SPTBN1: variants seen among roughly 807,000 people sequenced by gnomAD.
SPTBN1 encodes spectrin beta chain, non-erythrocytic 1.
SPTBN1 carries 32 observed loss-of-function variants against 266.4 expected under a neutral mutation model. That is an observed-to-expected ratio of 0.12 (90% CI 0.09 to 0.16). The LOEUF (loss-of-function observed/expected upper bound fraction) is 0.16. Ranked by LOEUF, SPTBN1 falls within the 10% of genes least tolerant of loss-of-function variation. SPTBN1 has a pLI of 1.00. For synonymous variants in SPTBN1, 1,336 were observed against 1,162.2 expected (o/e 1.15, Z -3.04); for missense variants, 2,296 against 3,067.1 (o/e 0.75, Z 5.94).
chr2:54,536,455 T>G (rs1449695705), intron 2 of SPTBN1, among the ~76,000 whole-genome samples: 1 of 152,244 alleles, frequency 6.6e-6, no homozygotes, highest in Non-Finnish European at 1.5e-5. Context: ...AATAGTTTCT[T>G]AAGTTGCATT....
intron 1 of SPTBN1, among the ~76,000 whole-genome samples, chr2:54,494,210 AT>A (rs1226462736): frequency 6.6e-6 from 1 of 152,266 alleles, no homozygotes; most frequent in Non-Finnish European, 1.5e-5. Flanking sequence ...GAGGATGATT[AT>A]TCACATTATA....
chr2:54,500,650 A>T (rs1368576119), intron 1 of SPTBN1, among the ~76,000 whole-genome samples: 1 of 151,984 alleles, frequency 6.6e-6, no homozygotes, highest in Non-Finnish European at 1.5e-5. Flanking sequence ...GGCTCAAGGG[A>T]TCCACCCACC....
intron 29 of SPTBN1, among the ~76,000 whole-genome samples, chr2:54,657,506 T>C (rs1297597686): frequency 6.6e-6 from 1 of 152,204 alleles, no homozygotes; most frequent in Non-Finnish European, 1.5e-5. Context: ...TGCCGTAAAA[T>C]GCACATCAGA....
intron 5 of SPTBN1, 72 bp downstream of exon 5, chr2:54,616,370 A>G: frequency 7.7e-7 from 1 of 1,298,102 alleles, no homozygotes. Context: ...ATCACTTAGA[A>G]GGTGTTGACA....
chr2:54,484,734 C>T (rs1668265434), intron 1 of SPTBN1, among the ~76,000 whole-genome samples: 2 of 145,166 alleles, frequency 1.4e-5, no homozygotes. Context: ...GTTGGTTTTC[C>T]CTTCATCCTT....
chr2:54,522,328 T>TAA (rs1235112611), intron 1 of SPTBN1, among the ~76,000 whole-genome samples: 1 of 152,130 alleles, frequency 6.6e-6, no homozygotes, highest in Non-Finnish European at 1.5e-5. Flanking sequence ...AATTATCACT[T>TAA]ACTTACTAAG....
rs188472332 is a variant in SPTBN1, at chr2:54,665,162, G to T, written c.6659+471G>T. ...GCGGTTAACAAAGCTTTCTTTCTGT[G>T]GAAACCTAGTAAATGGCAAAGCTGG... On this transcript the variant is annotated intron_variant, in intron 33 of 35. Transcript: ENST00000356805. Among the ~76,000 whole-genome samples, 114 of 152,254 alleles carry T rather than the reference G, an allele frequency of 7.5e-4. 1 individual carries two copies. Among genetic ancestry groups the T allele is most frequent in the African/African-American group, 2.7e-3 (113 of 41,540 alleles).
chr2:54,472,728 C>A (rs1693994081), intron 1 of SPTBN1, among the ~76,000 whole-genome samples: 1 of 151,952 alleles, frequency 6.6e-6, no homozygotes, highest in Non-Finnish European at 1.5e-5. Flanking sequence ...GCCTGTGGGA[C>A]TAATCTAAAC....
intron 1 of SPTBN1, among the ~76,000 whole-genome samples, chr2:54,467,947 G>A (rs13412585): frequency 0.23 from 34,559 of 152,000 alleles, 4,340 homozygotes; most frequent in African/African-American, 0.33. Flanking sequence ...GGAAACTAAA[G>A]ATGAATACAA....
At chr2:54,547,184 T>A (rs185688601) in intron 2 of SPTBN1, among the ~76,000 whole-genome samples, 175 of 152,356 alleles carry the variant, frequency 1.1e-3, no homozygotes, top group Non-Finnish European at 1.4e-3. Flanking sequence ...TGAGTTTAAC[T>A]ACTCAACATA....
At chr2:54,635,441 A>G (rs1679054695) in intron 17 of SPTBN1, among the ~76,000 whole-genome samples, 1 of 152,014 alleles carries the variant, frequency 6.6e-6, no homozygotes, top group Non-Finnish European at 1.5e-5. Flanking sequence ...TGGACATGTG[A>G]CTCTAAATCC....
chr2:54,596,402 T>A (rs1250410173), intron 2 of SPTBN1, among the ~76,000 whole-genome samples: 4 of 152,224 alleles, frequency 2.6e-5, no homozygotes, highest in Non-Finnish European at 5.9e-5. Context: ...GTTCTCCAAG[T>A]GCTCCATTGT....
At chr2:54,509,685 G>T (rs1400933750) in intron 1 of SPTBN1, among the ~76,000 whole-genome samples, 1 of 152,174 alleles carries the variant, frequency 6.6e-6, no homozygotes, top group Non-Finnish European at 1.5e-5. Context: ...GGCACAGAAG[G>T]CAGCTTTAGG....
At chr2:54,516,723 C>CA (rs1489037943) in intron 1 of SPTBN1, among the ~76,000 whole-genome samples, 4 of 152,312 alleles carry the variant, frequency 2.6e-5, no homozygotes, top group African/African-American at 9.6e-5. Flanking sequence ...AGACAAGTCT[C>CA]AGTCAATTTA....
At position 54,628,644 on chromosome 2, in the gene SPTBN1, C is replaced by T. The variant is rs937987038; in HGVS notation, c.1799-289C>T. ...GTTATGCTTCGTGTATTTCTAGAAA[C>T]AATTATATGCAGCTGCCTTTTTCAT... is the stretch of plus-strand genomic sequence containing the variant. On this transcript the variant is annotated intron_variant, in intron 13 of 35. Coordinates refer to ENST00000356805, the MANE Select transcript of SPTBN1 (RefSeq NM_003128.3). This position sits in a 1 kb window ranked among gnomAD's most constrained non-coding sequence, Gnocchi z 4.3. 3.3e-5 allele frequency among the ~76,000 whole-genome samples: 5 copies of T among 152,148 alleles called. No homozygotes were observed.
intron 1 of SPTBN1, among the ~76,000 whole-genome samples, chr2:54,481,149 A>AATG (rs1041132452): frequency 1.3e-5 from 2 of 152,162 alleles, no homozygotes; most frequent in African/African-American, 4.8e-5. Flanking sequence ...TCTAAGTAAT[A>AATG]ATGATGATGA....
At chr2:54,481,451 TTTGTTTG>T (rs1668102931) in intron 1 of SPTBN1, among the ~76,000 whole-genome samples, 1 of 148,880 alleles carries the variant, frequency 6.7e-6, no homozygotes, top group African/African-American at 2.5e-5. Context: ...TTTTGTTTTG[TTTGTTTG>T]TTTGTTTGTT....
At chr2:54,529,943 G>C (rs1359618896) in intron 2 of SPTBN1, 1 of 366,002 alleles carries the variant, frequency 2.7e-6, no homozygotes, top group Non-Finnish European at 5.1e-6. Context: ...AGGAAAGGGA[G>C]ATATCTTCCT....
intron 1 of SPTBN1, among the ~76,000 whole-genome samples, chr2:54,463,220 G>T (rs1214846510): frequency 2.0e-5 from 3 of 152,236 alleles, no homozygotes; most frequent in Non-Finnish European, 2.9e-5. Flanking sequence ...TGGCAGGATG[G>T]ATGGGAGGTG....
Sources: gnomAD v4.1 joint callset for allele counts (sites outside exome capture counted in the v4.1 genomes callset) on GRCh38, gnomAD v4.1.1 for gene constraint, Gnocchi (gnomAD v3.1) non-coding constraint, MANE v1.5 for transcripts, NCBI Gene and HGNC (gene_info 2026-07-23, HGNC 2026-07-21) for gene names.